ULK4: variants seen among roughly 807,000 people sequenced by gnomAD.
The protein encoded by ULK4 is inactive serine/threonine-protein kinase ULK4.
ULK4 carries 133 observed loss-of-function variants against 160.6 expected under a neutral mutation model. The ratio of observed to expected loss-of-function variants is 0.83; its 90% CI spans 0.72 to 0.96. The LOEUF (loss-of-function observed/expected upper bound fraction) is 0.96. ULK4 is among the 40% of genes least tolerant of loss of function. The probability of loss-of-function intolerance (pLI) is 0.00; values close to 1 mark genes in which losing one functional copy is unlikely to be tolerated. For synonymous variants in ULK4, 534 were observed against 539.8 expected, an observed-to-expected ratio of 0.99 and a Z score of 0.15; for missense variants, 1,580 against 1,499.5, an observed-to-expected ratio of 1.05 and a Z score of -0.89.
At chr3:41,616,888 G>A (rs2032999774) in intron 30 of ULK4, among the ~76,000 whole-genome samples, 1 of 152,194 alleles carries the variant, frequency 6.6e-6, no homozygotes, top group Non-Finnish European at 1.5e-5. Flanking sequence ...CCATTGGCTT[G>A]AAATTCTCAC....
intron 17 of ULK4, among the ~76,000 whole-genome samples, chr3:41,857,868 A>T (rs2042397587): frequency 1.6e-5 from 2 of 128,900 alleles, no homozygotes; most frequent in Non-Finnish European, 3.0e-5. Context: ...TAGTCTGGCT[A>T]AAGTTTGTCA....
At chr3:41,769,888 G>A (rs2039296168) in intron 21 of ULK4, among the ~76,000 whole-genome samples, 1 of 152,262 alleles carries the variant, frequency 6.6e-6, no homozygotes, top group African/African-American at 2.4e-5. Context: ...AAATCAATAT[G>A]TATAGCCTGG....
intron 35 of ULK4, among the ~76,000 whole-genome samples, chr3:41,334,574 T>C (rs1292295638): frequency 6.6e-6 from 1 of 152,128 alleles, no homozygotes; most frequent in Non-Finnish European, 1.5e-5. Flanking sequence ...GACACTCTGG[T>C]GTGGGCTGTG....
At chr3:41,480,402 C>A (rs963002003) in intron 32 of ULK4, among the ~76,000 whole-genome samples, 1 of 151,904 alleles carries the variant, frequency 6.6e-6, no homozygotes, top group Admixed American at 6.6e-5. Context: ...ACAGTTGACC[C>A]CTGAACAACA....
intron 35 of ULK4, among the ~76,000 whole-genome samples, chr3:41,292,384 T>C (rs2079584662): frequency 1.3e-5 from 2 of 152,202 alleles, no homozygotes; most frequent in African/African-American, 2.4e-5. Flanking sequence ...CTGGGTCCAG[T>C]ACCTCAGCTT....
chr3:41,918,595 C>CTTTTTTTTTT (rs36064862), intron 6 of ULK4, 55 bp from the exon 7 acceptor site: 3 of 226,766 alleles, frequency 1.3e-5, no homozygotes, highest in African/African-American at 9.9e-5. Context: ...ACCAATAATT[C>CTTTTTTTTTT]TTTTTTTTTT....
At chr3:41,705,906 C>G (rs2036860017) in intron 25 of ULK4, among the ~76,000 whole-genome samples, 1 of 152,124 alleles carries the variant, frequency 6.6e-6, no homozygotes, top group African/African-American at 2.4e-5. Context: ...CTCGCCATAT[C>G]AGAAGAGAGT....
intron 21 of ULK4, among the ~76,000 whole-genome samples, chr3:41,764,546 C>G (rs1416371907): frequency 1.3e-5 from 2 of 152,158 alleles, no homozygotes; most frequent in Non-Finnish European, 2.9e-5. Flanking sequence ...TCCTGGGCAA[C>G]AGAGCAAGAC....
intron 34 of ULK4, among the ~76,000 whole-genome samples, chr3:41,427,934 G>A (rs551178258): frequency 6.6e-6 from 1 of 152,090 alleles, no homozygotes; most frequent in Non-Finnish European, 1.5e-5. Flanking sequence ...AATCAAGCAA[G>A]AGAAAGAAAT....
chr3:41,364,434 T>A (rs1379864842), intron 35 of ULK4, among the ~76,000 whole-genome samples: 1 of 152,262 alleles, frequency 6.6e-6, no homozygotes, highest in Non-Finnish European at 1.5e-5. Flanking sequence ...CATCAGTATG[T>A]AAATATTGTC....
At chr3:41,313,068 G>T (rs149030453) in intron 35 of ULK4, among the ~76,000 whole-genome samples, 13 of 152,206 alleles carry the variant, frequency 8.5e-5, no homozygotes, top group Non-Finnish European at 1.6e-4. Context: ...GTTAACAAAG[G>T]CAAGAGATGG....
intron 1 of ULK4, among the ~76,000 whole-genome samples, chr3:41,961,618 C>G (rs1700676820): frequency 6.6e-6 from 1 of 150,842 alleles, no homozygotes; most frequent in African/African-American, 2.5e-5. Context: ...TTCGCGGCCT[C>G]GCTACGTCCG....
intron 35 of ULK4, among the ~76,000 whole-genome samples, chr3:41,290,747 C>G (rs964902045): frequency 6.6e-6 from 1 of 152,226 alleles, no homozygotes; most frequent in Admixed American, 6.5e-5. Context: ...GACTGTGGTA[C>G]ACGTATGCTC....
chr3:41,916,103 C>A, intron 7 of ULK4, 51 bp from the exon 8 acceptor site: 2 of 1,209,888 alleles, frequency 1.7e-6, no homozygotes, highest in Non-Finnish European at 2.3e-6. Flanking sequence ...AAATACATAT[C>A]AATTTTATTT....
chr3:41,467,837 A>G (rs1453983773), intron 32 of ULK4, among the ~76,000 whole-genome samples: 3 of 152,236 alleles, frequency 2.0e-5, no homozygotes, highest in Non-Finnish European at 2.9e-5. Context: ...CTAGGGTGAC[A>G]GAAATGTTCT....
intron 30 of ULK4, among the ~76,000 whole-genome samples, chr3:41,645,403 C>G (rs940081620): frequency 6.6e-6 from 1 of 151,848 alleles, no homozygotes; most frequent in African/African-American, 2.4e-5. Flanking sequence ...TCTTTGTTCT[C>G]GTTGGTTTCA....
In ULK4 at chr3:41,744,740, C is replaced by T. The variant is rs945740025; in HGVS notation, c.2321+9621G>A. 1.1e-4 allele frequency among the ~76,000 whole-genome samples: 17 copies of T among 151,658 alleles called. 1 individual carries two copies. Among genetic ancestry groups the T allele is most frequent in the African/African-American group, 4.1e-4 (17 of 41,136 alleles). ...TCTAATTGACATATAAAGAACATCC[C>T]CAACAAGCAGCAGAATGTACATGCT... On this transcript the variant is annotated intron_variant, in intron 22 of 36. Coordinates refer to ENST00000301831, the MANE Select transcript of ULK4 (RefSeq NM_017886.4).
intron 35 of ULK4, among the ~76,000 whole-genome samples, chr3:41,294,656 A>G (rs945614540): frequency 6.6e-6 from 1 of 152,258 alleles, no homozygotes; most frequent in African/African-American, 2.4e-5. Context: ...ACCAAAACGT[A>G]AAGAAACAAG....
intron 35 of ULK4, among the ~76,000 whole-genome samples, chr3:41,356,552 G>A (rs1046364063): frequency 2.6e-5 from 4 of 152,262 alleles, no homozygotes; most frequent in African/African-American, 9.6e-5. Context: ...GTGCAAAAAG[G>A]CAGTTGTGGG....
Sources: gnomAD v4.1 joint callset for allele counts (sites outside exome capture counted in the v4.1 genomes callset) on GRCh38, gnomAD v4.1.1 for gene constraint, MANE v1.5 for transcripts, NCBI Gene and HGNC (gene_info 2026-07-23, HGNC 2026-07-21) for gene names.